Variants in APBA1 observed in about 807,000 individuals in gnomAD.
The protein encoded by APBA1 is amyloid beta precursor protein binding family A member 1.
A neutral mutation model predicts 86.6 loss-of-function variants in APBA1; 55 were observed. The ratio of observed to expected loss-of-function variants is 0.64; its 90% CI spans 0.51 to 0.80. The LOEUF is 0.80. APBA1 is among the 30% of genes least tolerant of loss of function. The pLI is 0.00. For synonymous variants in APBA1, 511 were observed against 493.9 expected, an observed-to-expected ratio of 1.03 and a Z score of -0.46; for missense variants, 1,090 against 1,183.0, an observed-to-expected ratio of 0.92 and a Z score of 1.15.
intron 11 of APBA1, among the ~76,000 whole-genome samples, chr9:69,436,070 G>C (rs1327918112): frequency 1.3e-5 from 2 of 151,024 alleles, no homozygotes; most frequent in East Asian, 1.9e-4. Context: ...TCTCAGGTTT[G>C]TCAAAGATCA....
intron 1 of APBA1, among the ~76,000 whole-genome samples, chr9:69,621,531 G>A (rs918866655): frequency 1.3e-5 from 2 of 152,158 alleles, no homozygotes; most frequent in African/African-American, 4.8e-5. Flanking sequence ...AGACTGCTCC[G>A]GTTCAAGTCC....
intron 1 of APBA1, among the ~76,000 whole-genome samples, chr9:69,569,797 T>G (rs963720992): frequency 6.6e-6 from 1 of 152,206 alleles, no homozygotes; most frequent in Non-Finnish European, 1.5e-5. Flanking sequence ...GCAATAATAC[T>G]GATTCAAAAA....
intron 1 of APBA1, among the ~76,000 whole-genome samples, chr9:69,573,365 G>A (rs150823343): frequency 1.3e-5 from 2 of 152,150 alleles, no homozygotes; most frequent in African/African-American, 4.8e-5. Context: ...GGGAGACTGA[G>A]GCAGGAGGAT....
chr9:69,541,947 C>T lies in APBA1; in HGVS notation c.-69-24668G>A, dbSNP rs115414834. Among the ~76,000 whole-genome samples, 1,353 of 152,124 alleles carry T rather than the reference C, an allele frequency of 8.9e-3. 19 individuals are homozygous for T. Among genetic ancestry groups the T allele is most frequent in the African/African-American group, 0.031 (1,286 of 41,534 alleles). On this transcript the variant is annotated intron_variant, in intron 1 of 12. Coordinates refer to ENST00000265381, the MANE Select transcript of APBA1 (RefSeq NM_001163.4). ...AGCATGTGTTTGGGACTAAGGTGAA[C>T]ACCAATTCCCTTGGACCATCTGAGT...
At chr9:69,485,681 T>C (rs764996287) in intron 2 of APBA1, among the ~76,000 whole-genome samples, 6 of 152,042 alleles carry the variant, frequency 3.9e-5, no homozygotes, top group Non-Finnish European at 7.4e-5. Context: ...TGCGCAGAGA[T>C]GACTCACCAA....
At chr9:69,541,284 G>A (rs11139228) in intron 1 of APBA1, among the ~76,000 whole-genome samples, 54,652 of 141,058 alleles carry the variant, frequency 0.39, 11,641 homozygotes, top group Non-Finnish European at 0.48. Flanking sequence ...TATATCAGCC[G>A]AACCATTTCA....
intron 1 of APBA1, among the ~76,000 whole-genome samples, chr9:69,654,543 G>C (rs1411447597): frequency 6.6e-6 from 1 of 152,110 alleles, no homozygotes; most frequent in African/African-American, 2.4e-5. Context: ...AATAAGTAAT[G>C]AGATTGAAGC....
intron 1 of APBA1, among the ~76,000 whole-genome samples, chr9:69,545,710 G>A (rs1164319754): frequency 6.6e-6 from 1 of 152,164 alleles, no homozygotes. Flanking sequence ...ATGCACATAT[G>A]TAAGAAGTCT....
rs1834555456 is a variant in APBA1 at position 69,429,737 on chromosome 9, CCACCATTTGCT to C, written c.*1579_*1589del. 1 of 151,594 alleles carries C rather than the reference CCACCATTTGCT, an allele frequency of 6.6e-6. No homozygotes were observed. 9.4% of individuals were successfully genotyped at this position (151,594 alleles called of 1,614,324 possible). ...CATTCTCTCTATAAATACATGCTAC[CCACCATTTGCT>C]CACTGAGTTCCTATTTCCATAGACA... On this transcript the variant is annotated 3_prime_UTR_variant, in exon 13 of 13. Coordinates refer to ENST00000265381, the MANE Select transcript of APBA1 (RefSeq NM_001163.4).
intron 1 of APBA1, among the ~76,000 whole-genome samples, chr9:69,667,314 T>C (rs1823860304): frequency 1.3e-5 from 2 of 152,158 alleles, no homozygotes; most frequent in Non-Finnish European, 2.9e-5. Flanking sequence ...TCCAATTATA[T>C]AGCGTTAATT....
chr9:69,452,343 T>C (rs1480375906), intron 8 of APBA1, 42 bp from the exon 9 acceptor site: 8 of 1,592,602 alleles, frequency 5.0e-6, no homozygotes, highest in African/African-American at 1.3e-5. Context: ...AGCAGGGCAG[T>C]GCACCTGGTG....
intron 1 of APBA1, among the ~76,000 whole-genome samples, chr9:69,603,177 C>G (rs532884995): frequency 6.6e-6 from 1 of 152,358 alleles, no homozygotes; most frequent in Admixed American, 6.5e-5. Context: ...AAACCACCAT[C>G]TGAGCCCAAT....
intron 1 of APBA1, among the ~76,000 whole-genome samples, chr9:69,641,994 C>T (rs7873434): frequency 0.078 from 11,831 of 152,220 alleles, 534 homozygotes; most frequent in South Asian, 0.12. Context: ...TACAGGCACA[C>T]GCCACCACAC....
intron 1 of APBA1, among the ~76,000 whole-genome samples, chr9:69,583,253 A>C (rs937260986): frequency 3.9e-5 from 6 of 152,212 alleles, no homozygotes; most frequent in Non-Finnish European, 7.4e-5. Flanking sequence ...GTCCACCACC[A>C]CTGTTGGTTA....
At chr9:69,466,720 T>TC (rs1835286202) in intron 5 of APBA1, among the ~76,000 whole-genome samples, 2 of 152,212 alleles carry the variant, frequency 1.3e-5, no homozygotes, top group Admixed American at 6.5e-5. Flanking sequence ...TTTTCTTTGA[T>TC]TGCGAGATCA....
intron 1 of APBA1, among the ~76,000 whole-genome samples, chr9:69,583,329 C>T (rs1319941075): frequency 1.3e-5 from 2 of 152,198 alleles, no homozygotes; most frequent in Non-Finnish European, 2.9e-5. Flanking sequence ...AACCCCAGGT[C>T]TCCTTTGCTG....
chr9:69,536,438 T>G (rs1176006116), intron 1 of APBA1, among the ~76,000 whole-genome samples: 2 of 151,952 alleles, frequency 1.3e-5, no homozygotes, highest in African/African-American at 2.4e-5. Flanking sequence ...CATCCTCTTG[T>G]ATTACGTTGA....
intron 2 of APBA1, among the ~76,000 whole-genome samples, chr9:69,501,544 G>A (rs991962311): frequency 1.3e-5 from 2 of 151,692 alleles, no homozygotes; most frequent in Non-Finnish European, 2.9e-5. Context: ...GCTCATGCCT[G>A]TAATATGACA....
chr9:69,597,620 T>G (rs1207160346), intron 1 of APBA1, among the ~76,000 whole-genome samples: 1 of 152,228 alleles, frequency 6.6e-6, no homozygotes, highest in African/African-American at 2.4e-5. Context: ...TGCCTAGGTT[T>G]TCTTCTAGGG....
Sources: allele counts gnomAD v4.1 joint callset (sites outside exome capture counted in the v4.1 genomes callset), GRCh38; gene constraint gnomAD v4.1.1; transcripts MANE v1.5; gene names NCBI Gene and HGNC (gene_info 2026-07-23, HGNC 2026-07-21).